Variants in ME2 observed in about 807,000 individuals in gnomAD.
The protein encoded by ME2 is malic enzyme 2.
A neutral mutation model predicts 73.7 loss-of-function variants in ME2; 60 were observed. The ratio of observed to expected loss-of-function variants is 0.81; its 90% CI spans 0.66 to 1.01. The LOEUF is 1.01. Ranked by LOEUF, ME2 falls within the 50% of genes least tolerant of loss-of-function variation. The pLI, the probability that ME2 is intolerant of heterozygous loss-of-function variation, is 0.00. For synonymous variants in ME2, 199 were observed against 236.9 expected, an observed-to-expected ratio of 0.84 and a Z score of 1.47; for missense variants, 594 against 705.5, an observed-to-expected ratio of 0.84 and a Z score of 1.79.
At chr18:50,945,592 T>G (rs1486363815) in intron 15 of ME2, among the ~76,000 whole-genome samples, 1 of 152,070 alleles carries the variant, frequency 6.6e-6, no homozygotes, top group Non-Finnish European at 1.5e-5. Flanking sequence ...ACACTGAGAT[T>G]GAGTTCTTGG....
chr18:50,929,708 C>T (rs1568172554), intron 12 of ME2, among the ~76,000 whole-genome samples: 1 of 151,992 alleles, frequency 6.6e-6, no homozygotes, highest in Admixed American at 6.6e-5. Flanking sequence ...ACTGTCTTAT[C>T]TTTTTATTAC....
chr18:50,925,810 C>CT lies in ME2; in HGVS notation c.1227dup (p.Ile410TyrfsTer3), dbSNP rs1917537919. On this transcript the variant is annotated frameshift_variant, in exon 12 of 16. Transcript: ENST00000321341. LOFTEE classifies it high-confidence loss of function. ...CCTGATGTAATCAGAGCCATGGCCT[C>CT]TATCAATGAAAGGCCTGTAATATTT... 6.2e-7 allele frequency: 1 copy of CT among 1,612,604 alleles called. No individual in the cohort carries two copies. The highest frequency in any genetic ancestry group is 8.5e-7 in the Non-Finnish European group (1 of 1,178,678).
chr18:50,939,344 T>A (rs1280869597), intron 13 of ME2: 12 of 431,670 alleles, frequency 2.8e-5, no homozygotes, highest in Non-Finnish European at 4.6e-5. Context: ...ATGTAAAAAC[T>A]AAACTGAGAA....
At chr18:50,900,398 C>T (rs1916858819) in intron 2 of ME2, among the ~76,000 whole-genome samples, 1 of 151,624 alleles carries the variant, frequency 6.6e-6, no homozygotes, top group Non-Finnish European at 1.5e-5. Flanking sequence ...GGGTTCATGC[C>T]ATGCTCCTGC....
At chr18:50,939,751 G>T in intron 14 of ME2, 111 bp downstream of exon 14, 6 of 665,778 alleles carry the variant, frequency 9.0e-6, no homozygotes, top group South Asian at 4.7e-5. Flanking sequence ...TTAATGAAAA[G>T]GAAGTTACTC....
chr18:50,880,509 G>A (rs1042433158), intron 1 of ME2, among the ~76,000 whole-genome samples: 1 of 152,166 alleles, frequency 6.6e-6, no homozygotes, highest in African/African-American at 2.4e-5. Flanking sequence ...CATATAGGCC[G>A]TTCGCGGTGG....
chr18:50,936,087 T>G (rs1371265561), intron 13 of ME2, among the ~76,000 whole-genome samples: 1 of 152,060 alleles, frequency 6.6e-6, no homozygotes, highest in African/African-American at 2.4e-5. Flanking sequence ...ATTGTGAGGC[T>G]TCAGAATCAC....
At position 50,947,245 on chromosome 18, in the gene ME2, A is replaced by G. The variant is rs1669919114; in HGVS notation, c.*61A>G. The G allele has an allele frequency of 6.7e-7, 1 of 1,501,828 alleles. No individual in the cohort carries two copies. 93.0% of individuals were successfully genotyped at this position (1,501,828 alleles called of 1,614,324 possible). On this transcript the variant is annotated 3_prime_UTR_variant, in exon 16 of 16. Transcript: ENST00000321341. ...GGAACCCCTTTTTTCAGACAAGAAG[A>G]GATAATGTCTTCAGTTTTATGGTGT...
At position 50,917,525 on chromosome 18, in the gene ME2, TC is replaced by T; in HGVS notation, c.630+22del. 1.3e-6 allele frequency: 2 copies of T among 1,524,878 alleles called. No individual in the cohort carries two copies. The highest frequency in any genetic ancestry group is 1.8e-6 in the Non-Finnish European group (2 of 1,120,202). 94.5% of individuals were successfully genotyped at this position (1,524,878 alleles called of 1,614,324 possible). A position where few individuals can be genotyped will look rare whatever the true frequency, so the allele number is the denominator to read the frequency against. ...GATAATATCGTGAGTAACATCATTT[TC>T]CCCCTTTATCTTCCTCCTGTATTTT... On this transcript the variant is annotated intron_variant, in intron 6 of 15. Transcript: ENST00000321341.
chr18:50,886,167 T>TAA (rs137914150), intron 1 of ME2, among the ~76,000 whole-genome samples: 47 of 148,908 alleles, frequency 3.2e-4, no homozygotes, highest in Non-Finnish European at 4.0e-4. Context: ...ATTTAAAATT[T>TAA]AAAAAAAAAG....
chr18:50,880,961 A>C (rs1325949042), intron 1 of ME2, among the ~76,000 whole-genome samples: 7 of 152,214 alleles, frequency 4.6e-5, no homozygotes, highest in Non-Finnish European at 1.0e-4. Context: ...ACTTACAGCT[A>C]TGTATGTATA....
At chr18:50,908,796 A>G (rs1030808101) in intron 3 of ME2, among the ~76,000 whole-genome samples, 3 of 151,946 alleles carry the variant, frequency 2.0e-5, no homozygotes, top group Admixed American at 2.0e-4. Flanking sequence ...GCCCACCACC[A>G]TGCCTGGCTA....
At chr18:50,914,082 A>G (rs1917229742) in intron 4 of ME2, among the ~76,000 whole-genome samples, 1 of 152,106 alleles carries the variant, frequency 6.6e-6, no homozygotes, top group African/African-American at 2.4e-5. Context: ...CTTACTCAAA[A>G]TGTTGATCTC....
rs1027777558 is a variant in ME2, at chr18:50,932,466, A to T, written c.1417+106A>T. The T allele has an allele frequency of 3.7e-5, 27 of 733,690 alleles. No homozygotes were observed. The African/African-American group carries it at 4.2e-4, about 11-fold the overall frequency. The allele number at this position is 733,690 out of a possible 1,614,324, so 45.4% of individuals were successfully genotyped here. ...CTGAACTGAGCAACAGTATTACAGA[A>T]TTTTGGTATAAATGTACAAGGAAAC... On this transcript the variant is annotated intron_variant, in intron 13 of 15. Coordinates refer to ENST00000321341, the MANE Select transcript of ME2 (RefSeq NM_002396.5).
intron 1 of ME2, among the ~76,000 whole-genome samples, chr18:50,881,611 A>G (rs552645996): frequency 6.6e-6 from 1 of 152,356 alleles, no homozygotes; most frequent in East Asian, 1.9e-4. Flanking sequence ...CTGTATTTGT[A>G]TACCATCCAG....
intron 13 of ME2, among the ~76,000 whole-genome samples, chr18:50,938,374 G>A (rs1264481089): frequency 6.6e-6 from 1 of 151,924 alleles, no homozygotes; most frequent in African/African-American, 2.4e-5. Context: ...GAGATTAAAC[G>A]AAAACAATCA....
At chr18:50,889,428 C>T (rs1016999842) in intron 1 of ME2, among the ~76,000 whole-genome samples, 1 of 152,174 alleles carries the variant, frequency 6.6e-6, no homozygotes, top group Non-Finnish European at 1.5e-5. Context: ...GTGGCCTGTC[C>T]AGAGAGGGCA....
intron 12 of ME2, among the ~76,000 whole-genome samples, chr18:50,929,999 G>A (rs1201183017): frequency 6.6e-6 from 1 of 152,144 alleles, no homozygotes; most frequent in Non-Finnish European, 1.5e-5. Context: ...AAGGAGACTA[G>A]TTTGATATAC....
chr18:50,900,238 A>G (rs1916853576), intron 2 of ME2, among the ~76,000 whole-genome samples: 1 of 151,068 alleles, frequency 6.6e-6, no homozygotes, highest in Non-Finnish European at 1.5e-5. Context: ...AAATAAGAAT[A>G]GGGGGAGGAA....
Sources: allele counts gnomAD v4.1 joint callset (sites outside exome capture counted in the v4.1 genomes callset), GRCh38; gene constraint gnomAD v4.1.1; transcripts MANE v1.5; gene names NCBI Gene and HGNC (gene_info 2026-07-23, HGNC 2026-07-21).